LIN52: variants seen among roughly 807,000 people sequenced by gnomAD.
LIN52 encodes lin-52 DREAM MuvB core complex component.
Under a neutral mutation model 18.5 loss-of-function variants are expected in LIN52, and 4 were observed. That is an observed-to-expected ratio of 0.22 (90% CI 0.11 to 0.49). LIN52 has a LOEUF of 0.49. Ranked by LOEUF, LIN52 falls within the 20% of genes least tolerant of loss-of-function variation. The pLI, the probability that LIN52 is intolerant of heterozygous loss-of-function variation, is 0.97. For missense variants in LIN52, 102 were observed against 139.5 expected, an observed-to-expected ratio of 0.73 and a Z score of 1.35; for synonymous variants, 34 against 45.5, an observed-to-expected ratio of 0.75 and a Z score of 1.02.
chr14:74,189,069 TGA>T (rs2061352150), intron 5 of LIN52, among the ~76,000 whole-genome samples: 1 of 152,242 alleles, frequency 6.6e-6, no homozygotes, highest in Admixed American at 6.5e-5. Flanking sequence ...CTGATTTTCC[TGA>T]GAGTGGAACC....
chr14:74,198,993 A>G lies in LIN52; in HGVS notation c.*16A>G, dbSNP rs747086819. 3.7e-6 allele frequency: 6 copies of G among 1,602,112 alleles called. No individual in the cohort carries two copies. The highest frequency in any genetic ancestry group is 1.7e-5 in the Admixed American group (1 of 59,976). On this transcript the variant is annotated 3_prime_UTR_variant, in exon 6 of 6. Coordinates refer to ENST00000555028, the MANE Select transcript of LIN52 (RefSeq NM_001024674.3). ...CAAGAAGTAGCAGCTGCTTGCGGAC[A>G]GGATGTCCTGGGGTCCGAAACCAAG... is the stretch of plus-strand genomic sequence containing the variant.
intron 5 of LIN52, among the ~76,000 whole-genome samples, chr14:74,158,535 A>G (rs745452480): frequency 6.6e-6 from 1 of 151,720 alleles, no homozygotes; most frequent in East Asian, 1.9e-4. Context: ...CTGCAGTGCA[A>G]TGGCACGATC....
At chr14:74,106,929 CT>C (rs1208267975) in intron 5 of LIN52, among the ~76,000 whole-genome samples, 1 of 152,138 alleles carries the variant, frequency 6.6e-6, no homozygotes, top group Non-Finnish European at 1.5e-5. Flanking sequence ...TTCTCTTTGT[CT>C]TTTGCTCATA....
At chr14:74,085,122 T>C (rs1054688057) in intron 1 of LIN52, 129 bp downstream of exon 1, 3 of 915,272 alleles carry the variant, frequency 3.3e-6, no homozygotes, top group African/African-American at 3.4e-5. Flanking sequence ...TTATTTTTTT[T>C]CTTGAGATCC....
chr14:74,110,746 C>T (rs1469850541), intron 5 of LIN52, among the ~76,000 whole-genome samples: 3 of 151,212 alleles, frequency 2.0e-5, no homozygotes, highest in East Asian at 3.9e-4. Context: ...AGGCAGATCA[C>T]GAGGTCAGGA....
At chr14:74,112,141 A>G (rs1169893901) in intron 5 of LIN52, among the ~76,000 whole-genome samples, 6 of 152,052 alleles carry the variant, frequency 3.9e-5, no homozygotes, top group African/African-American at 1.2e-4. Flanking sequence ...CGGCCTCCCA[A>G]AGTTCTGGGA....
chr14:74,119,836 CTTT>C (rs555673247), intron 5 of LIN52, among the ~76,000 whole-genome samples: 3 of 132,310 alleles, frequency 2.3e-5, no homozygotes, highest in Admixed American at 7.6e-5. Context: ...CTGGATTATT[CTTT>C]TTTTTTTTTT....
intron 4 of LIN52, among the ~76,000 whole-genome samples, chr14:74,100,921 A>G (rs930456829): frequency 6.6e-6 from 1 of 152,090 alleles, no homozygotes; most frequent in Non-Finnish European, 1.5e-5. Context: ...TTCTGTTTTT[A>G]TGCTAGTTCT....
At chr14:74,120,537 C>T (rs1182778565) in intron 5 of LIN52, among the ~76,000 whole-genome samples, 1 of 151,956 alleles carries the variant, frequency 6.6e-6, no homozygotes, top group Non-Finnish European at 1.5e-5. Context: ...GGCAGATCAC[C>T]TGAGGTCAGG....
intron 5 of LIN52, among the ~76,000 whole-genome samples, chr14:74,174,177 C>T (rs2061282507): frequency 6.6e-6 from 1 of 152,172 alleles, no homozygotes; most frequent in African/African-American, 2.4e-5. Context: ...GTGTACAAGT[C>T]AATGGGTTTT....
At chr14:74,091,571 C>T (rs1300603764) in intron 2 of LIN52, among the ~76,000 whole-genome samples, 1 of 151,526 alleles carries the variant, frequency 6.6e-6, no homozygotes, top group Non-Finnish European at 1.5e-5. Context: ...GAGTTTGAGA[C>T]CAGCGTGGCC....
intron 5 of LIN52, among the ~76,000 whole-genome samples, chr14:74,110,647 G>T (rs943163906): frequency 2.0e-5 from 3 of 151,256 alleles, no homozygotes; most frequent in Non-Finnish European, 2.9e-5. Flanking sequence ...TCCAGCCTGG[G>T]TGACAGAGCG....
At chr14:74,127,805 G>A (rs2061037056) in intron 5 of LIN52, among the ~76,000 whole-genome samples, 1 of 151,824 alleles carries the variant, frequency 6.6e-6, no homozygotes, top group African/African-American at 2.4e-5. Context: ...TTGAATTCCT[G>A]GCCTCAAGCA....
At chr14:74,190,025 C>G (rs2061356737) in intron 5 of LIN52, among the ~76,000 whole-genome samples, 1 of 152,148 alleles carries the variant, frequency 6.6e-6, no homozygotes, top group African/African-American at 2.4e-5. Context: ...AATCCCAGCA[C>G]TTTGGGAGAC....
chr14:74,199,162 T>C lies in LIN52; in HGVS notation c.*185T>C. 1 of 536,178 alleles carries C rather than the reference T, an allele frequency of 1.9e-6. No individual in the cohort carries two copies. The highest frequency in any genetic ancestry group is 3.3e-6 in the Non-Finnish European group (1 of 302,352). 33.2% of individuals were successfully genotyped at this position (536,178 alleles called of 1,614,324 possible). A position where few individuals can be genotyped will look rare whatever the true frequency, so the allele number is the denominator to read the frequency against. On this transcript the variant is annotated 3_prime_UTR_variant, in exon 6 of 6. Coordinates refer to ENST00000555028, the MANE Select transcript of LIN52 (RefSeq NM_001024674.3). ...ATTCAGCAGCAAGAGAAGAATCTGC[T>C]CTACCCAAGGATCATTGCAGTTACT...
Position 74,199,193 on chromosome 14 carries a change from A to C in LIN52, c.*216A>C. ...CAAGGATCATTGCAGTTACTCAATC[A>C]ACTTTCAGACTTGAACCTTCTTAGC... On this transcript the variant is annotated 3_prime_UTR_variant, in exon 6 of 6. Coordinates refer to ENST00000555028, the MANE Select transcript of LIN52 (RefSeq NM_001024674.3). The C allele has an allele frequency of 2.3e-6, 1 of 433,690 alleles. No homozygotes were observed. Among genetic ancestry groups the C allele is most frequent in the South Asian group, 5.7e-5 (1 of 17,652 alleles). The allele number at this position is 433,690 out of a possible 1,614,324, so 26.9% of individuals were successfully genotyped here. A position where few individuals can be genotyped will look rare whatever the true frequency, so the allele number is the denominator to read the frequency against.
chr14:74,104,923 T>A (rs2060887247), intron 5 of LIN52, among the ~76,000 whole-genome samples: 2 of 152,240 alleles, frequency 1.3e-5, no homozygotes, highest in Admixed American at 6.5e-5. Context: ...TTGATCACAG[T>A]CTAGATTTAC....
Position 74,097,852 on chromosome 14 carries a change from T to C in LIN52, c.191T>C (p.Met64Thr). The change falls in exon 4 of 6, where the codon ATG (methionine) becomes ACG (threonine). Residue 64 changes from methionine to threonine, a missense_variant. Met to Thr is a moderately conservative substitution (Grantham distance 81, BLOSUM62 -1). Transcript: ENST00000555028. Reference sequence around the variant, plus strand: ...GAGATAGAACGTGATGACATCGACATGTTGAAAGGTAAGTGATGCTAGTTA... The same window carrying C: ...GAGATAGAACGTGATGACATCGACACGTTGAAAGGTAAGTGATGCTAGTTA... The part of the protein sequence containing the change: ...MAEIERDDID[M>T]LKELGSLTTA... 2 of 1,612,102 alleles carry C rather than the reference T, an allele frequency of 1.2e-6. No individual in the cohort carries two copies. Among genetic ancestry groups the C allele is most frequent in the Non-Finnish European group, 1.7e-6 (2 of 1,178,150 alleles).
intron 5 of LIN52, among the ~76,000 whole-genome samples, chr14:74,149,020 T>A: frequency 6.6e-6 from 1 of 152,362 alleles, no homozygotes; most frequent in East Asian, 1.9e-4. Context: ...CCTTAATTTT[T>A]AAAATATTTT....
Sources: gnomAD v4.1 joint callset for allele counts (sites outside exome capture counted in the v4.1 genomes callset) on GRCh38, gnomAD v4.1.1 for gene constraint, MANE v1.5 for transcripts, NCBI Gene and HGNC (gene_info 2026-07-23, HGNC 2026-07-21) for gene names.